The following MTURN variants were observed in gnomAD, a reference collection of about 807,000 sequenced individuals.
MTURN encodes the protein maturin.
Under a neutral mutation model 14.9 loss-of-function variants are expected in MTURN, and 7 were observed. The ratio of observed to expected loss-of-function variants is 0.47; its 90% CI spans 0.27 to 0.88. The LOEUF (loss-of-function observed/expected upper bound fraction) is 0.88, where lower values mean the gene tolerates loss of function less well. Ranked by LOEUF, MTURN falls within the 40% of genes least tolerant of loss-of-function variation. The pLI, the probability that MTURN is intolerant of heterozygous loss-of-function variation, is 0.14. For missense variants in MTURN, 151 were observed against 174.1 expected (o/e 0.87, Z 0.75); for synonymous variants, 69 against 72.5 (o/e 0.95, Z 0.25).
intron 1 of MTURN, chr7:30,137,421 G>A (rs568223664): frequency 2.9e-5 from 10 of 340,364 alleles, no homozygotes; most frequent in East Asian, 2.2e-4. Flanking sequence ...TCCAACCATC[G>A]TTCAGAAGTA....
chr7:30,144,893 C>T (rs1797105823), intron 1 of MTURN, among the ~76,000 whole-genome samples: 1 of 147,376 alleles, frequency 6.8e-6, no homozygotes, highest in Non-Finnish European at 1.5e-5. Context: ...TTGTTCTTAT[C>T]TGCCAGATGT....
chr7:30,156,228 C>T (rs1382804365), intron 2 of MTURN, among the ~76,000 whole-genome samples: 2 of 151,974 alleles, frequency 1.3e-5, no homozygotes, highest in African/African-American at 4.8e-5. Context: ...TTATTTTGAA[C>T]GTCCCACATA....
intron 1 of MTURN, among the ~76,000 whole-genome samples, chr7:30,136,897 C>T (rs976370087): frequency 8.5e-5 from 13 of 152,172 alleles, no homozygotes; most frequent in African/African-American, 2.9e-4. Context: ...GGTTAGAGAC[C>T]TGGGGTTTCC....
intron 1 of MTURN, among the ~76,000 whole-genome samples, chr7:30,139,402 T>C (rs1256802373): frequency 1.3e-5 from 2 of 152,202 alleles, no homozygotes; most frequent in Non-Finnish European, 2.9e-5. Context: ...TTTCCACAGT[T>C]AATAAGTGGT....
chr7:30,142,614 T>C (rs1345847705), intron 1 of MTURN, among the ~76,000 whole-genome samples: 1 of 152,230 alleles, frequency 6.6e-6, no homozygotes, highest in Non-Finnish European at 1.5e-5. Flanking sequence ...CAGAGGTGGA[T>C]ACATTGCAAT....
Position 30,160,189 on chromosome 7 carries a change from C to T in MTURN, c.*2641C>T, listed in dbSNP as rs1336186790. 2 of 152,348 alleles carry T rather than the reference C, an allele frequency of 1.3e-5. No individual in the cohort carries two copies. Among genetic ancestry groups the T allele is most frequent in the Non-Finnish European group, 2.9e-5 (2 of 68,192 alleles). The allele number at this position is 152,348 out of a possible 1,614,324, so 9.4% of individuals were successfully genotyped here. A position where few individuals can be genotyped will look rare whatever the true frequency, so the allele number is the denominator to read the frequency against. ...ACAGTCAAGGAAACTTTTAGGGATT[C>T]GAGAAGAAAATACATGTGGGATCTT... On this transcript the variant is annotated 3_prime_UTR_variant, in exon 3 of 3. Transcript: ENST00000324453.
In MTURN at chr7:30,159,152, T is replaced by G. The variant is rs910600409; in HGVS notation, c.*1604T>G. On this transcript the variant is annotated 3_prime_UTR_variant, in exon 3 of 3. Transcript: ENST00000324453. Reference sequence around the variant, plus strand: ...GCTTCAGTACCCACTTTGTGTTCTTTTCTTGAAAAGTCATACTAAAGGTTA... The same window carrying G: ...GCTTCAGTACCCACTTTGTGTTCTTGTCTTGAAAAGTCATACTAAAGGTTA... 4 of 152,254 alleles carry G rather than the reference T, an allele frequency of 2.6e-5. No homozygotes were observed. The highest frequency in any genetic ancestry group is 9.6e-5 in the African/African-American group (4 of 41,462). The allele number at this position is 152,254 out of a possible 1,614,324, so 9.4% of individuals were successfully genotyped here. A position where few individuals can be genotyped will look rare whatever the true frequency, so the allele number is the denominator to read the frequency against.
At chr7:30,148,775 G>A (rs1465279788) in intron 2 of MTURN, among the ~76,000 whole-genome samples, 6 of 152,046 alleles carry the variant, frequency 3.9e-5, no homozygotes, top group African/African-American at 7.2e-5. Context: ...CTGCGGGGGC[G>A]GGTGGTGGGG....
intron 1 of MTURN, among the ~76,000 whole-genome samples, chr7:30,143,717 T>G (rs1238079630): frequency 1.3e-5 from 2 of 152,194 alleles, no homozygotes; most frequent in African/African-American, 4.8e-5. Context: ...CTTCAACATA[T>G]AGTCCTAAAT....
chr7:30,159,850 G>A lies in MTURN; in HGVS notation c.*2302G>A, dbSNP rs1342571954. 1 of 152,680 alleles carries A rather than the reference G, an allele frequency of 6.5e-6. No homozygotes were observed. The highest frequency in any genetic ancestry group is 1.5e-5 in the Non-Finnish European group (1 of 68,082). 9.5% of individuals were successfully genotyped at this position (152,680 alleles called of 1,614,324 possible). ...CCTGCGCTGTGGCTGCTCTAAGCAGGGCTGTGCATGGTGCAAAGCTGCAGT... is the reference window on the plus strand; with the variant it reads ...CCTGCGCTGTGGCTGCTCTAAGCAGAGCTGTGCATGGTGCAAAGCTGCAGT... On this transcript the variant is annotated 3_prime_UTR_variant, in exon 3 of 3. Coordinates refer to ENST00000324453, the MANE Select transcript of MTURN (RefSeq NM_152793.3).
chr7:30,147,431 G>T (rs1562569416), intron 2 of MTURN, among the ~76,000 whole-genome samples: 1 of 152,192 alleles, frequency 6.6e-6, no homozygotes. Flanking sequence ...GGGTGAGAAG[G>T]CAGGATGCGG....
At chr7:30,136,043 C>T (rs1273493143) in intron 1 of MTURN, among the ~76,000 whole-genome samples, 2 of 152,260 alleles carry the variant, frequency 1.3e-5, no homozygotes, top group Admixed American at 1.3e-4. Context: ...ACGCCTCTCC[C>T]CCTGCCCCCG....
At chr7:30,151,998 A>C (rs963454588) in intron 2 of MTURN, among the ~76,000 whole-genome samples, 4 of 152,190 alleles carry the variant, frequency 2.6e-5, no homozygotes, top group African/African-American at 9.7e-5. Context: ...GCCTCTACTC[A>C]TGGAGTCTGG....
intron 2 of MTURN, among the ~76,000 whole-genome samples, chr7:30,154,182 C>A (rs997747306): frequency 6.6e-6 from 1 of 152,006 alleles, no homozygotes; most frequent in Admixed American, 6.6e-5. Flanking sequence ...AGTCCAGTGG[C>A]GGCAGGCTGG....
rs1053775899 is a variant in MTURN, at chr7:30,154,420, C to T, written c.286-3018C>T. 3.3e-5 allele frequency among the ~76,000 whole-genome samples: 5 copies of T among 152,172 alleles called. No individual in the cohort carries two copies. In the East Asian group the frequency reaches 7.7e-4, roughly 23 times the overall value. On this transcript the variant is annotated intron_variant, in intron 2 of 2. Coordinates refer to ENST00000324453, the MANE Select transcript of MTURN (RefSeq NM_152793.3). ...CGTGTTTCTTATAGATAAGGAGTGA[C>T]TCTCTTGGCCACTCCCAGTTTCCCT...
intron 1 of MTURN, 161 bp from the exon 2 acceptor site, chr7:30,146,016 A>C: frequency 1.9e-6 from 3 of 1,556,748 alleles, no homozygotes; most frequent in South Asian, 2.4e-5. Flanking sequence ...TTCCCTTTCA[A>C]CGCAAACAAA....
rs141470537 is a variant in MTURN at position 30,152,756 on chromosome 7, T to C, written c.286-4682T>C. 7.2e-5 allele frequency among the ~76,000 whole-genome samples: 11 copies of C among 152,296 alleles called. No individual in the cohort carries two copies. The South Asian group carries it at 1.0e-3, about 14-fold the overall frequency. Reference sequence around the variant, plus strand: ...GAGACAGTAGCTGCTAAATGCCACCTCAATATGGCCTCACATAGTTTACAC... The same window carrying C: ...GAGACAGTAGCTGCTAAATGCCACCCCAATATGGCCTCACATAGTTTACAC... On this transcript the variant is annotated intron_variant, in intron 2 of 2. Transcript: ENST00000324453.
Position 30,135,545 on chromosome 7 carries a change from G to A in MTURN, c.162+247G>A, listed in dbSNP as rs886857463. On this transcript the variant is annotated intron_variant, in intron 1 of 2. Coordinates refer to ENST00000324453, the MANE Select transcript of MTURN (RefSeq NM_152793.3). ...GGATCCGGGGAGCCGGGTCGGGGCG[G>A]GAGGTGTGGCGTCCCCCTAAAGGCC... 4.0e-4 allele frequency among the ~76,000 whole-genome samples: 61 copies of A among 151,998 alleles called. 1 individual carries two copies. The highest frequency in any genetic ancestry group is 3.4e-3 in the Middle Eastern group (1 of 292).
intron 1 of MTURN, among the ~76,000 whole-genome samples, chr7:30,144,486 A>C (rs986546454): frequency 6.6e-6 from 1 of 152,216 alleles, no homozygotes; most frequent in Non-Finnish European, 1.5e-5. Flanking sequence ...TACATAAATG[A>C]CATTGTGGTG....
Sources: gnomAD v4.1 joint callset for allele counts (sites outside exome capture counted in the v4.1 genomes callset) on GRCh38, gnomAD v4.1.1 for gene constraint, MANE v1.5 for transcripts, NCBI Gene and HGNC (gene_info 2026-07-23, HGNC 2026-07-21) for gene names.